Variants in SPECC1L observed in about 807,000 individuals in gnomAD.
The protein encoded by SPECC1L is sperm antigen with calponin homology and coiled-coil domains 1 like, also known as cytospin-A.
SPECC1L carries 40 observed loss-of-function variants against 116.8 expected under a neutral mutation model. That is an observed-to-expected ratio of 0.34 (90% CI 0.27 to 0.45). The LOEUF (loss-of-function observed/expected upper bound fraction) is 0.45, where lower values mean the gene tolerates loss of function less well. Among genes scored for constraint, SPECC1L ranks in the 20% least tolerant of loss-of-function variants. SPECC1L has a pLI of 1.00. For synonymous variants in SPECC1L, 504 were observed against 500.6 expected, an observed-to-expected ratio of 1.01 and a Z score of -0.09; for missense variants, 1,110 against 1,373.6, an observed-to-expected ratio of 0.81 and a Z score of 3.03.
intron 14 of SPECC1L, among the ~76,000 whole-genome samples, chr22:24,396,797 C>T (rs531069597): frequency 1.3e-5 from 2 of 152,282 alleles, no homozygotes; most frequent in African/African-American, 4.8e-5. Flanking sequence ...GGGTCCTCAA[C>T]ACTCTTTATC....
chr22:24,354,558 T>TC (rs1472086331), intron 11 of SPECC1L, among the ~76,000 whole-genome samples: 1 of 152,106 alleles, frequency 6.6e-6, no homozygotes, highest in Non-Finnish European at 1.5e-5. Flanking sequence ...CAATGCACCT[T>TC]CCCTCCACCC....
intron 14 of SPECC1L, among the ~76,000 whole-genome samples, chr22:24,369,636 C>G (rs2041836324): frequency 6.6e-6 from 1 of 152,112 alleles, no homozygotes; most frequent in South Asian, 2.1e-4. Context: ...GAGGCAGAGG[C>G]TGCTGTGAGC....
chr22:24,286,186 A>G (rs1399365378), intron 2 of SPECC1L, among the ~76,000 whole-genome samples: 1 of 152,220 alleles, frequency 6.6e-6, no homozygotes, highest in East Asian at 1.9e-4. Flanking sequence ...GGTAAGCTGC[A>G]GTGAAATCTG....
chr22:24,364,569 A>G (rs1291918712), intron 12 of SPECC1L, among the ~76,000 whole-genome samples: 2 of 151,472 alleles, frequency 1.3e-5, no homozygotes, highest in Non-Finnish European at 2.9e-5. Flanking sequence ...AGGCTGAGGC[A>G]GGAGAATCAC....
At chr22:24,298,050 G>GT (rs2049301549) in intron 2 of SPECC1L, among the ~76,000 whole-genome samples, 1 of 152,254 alleles carries the variant, frequency 6.6e-6, no homozygotes, top group South Asian at 2.1e-4. Flanking sequence ...CCAACTTACT[G>GT]TGGTTCGACC....
In SPECC1L at chr22:24,414,781, C is replaced by T; in HGVS notation, c.*158C>T. 1 of 672,420 alleles carries T rather than the reference C, an allele frequency of 1.5e-6. No homozygotes were observed. The highest frequency in any genetic ancestry group is 2.7e-6 in the Non-Finnish European group (1 of 376,000). The allele number at this position is 672,420 out of a possible 1,614,324, so 41.7% of individuals were successfully genotyped here. ...GCTCGGGGCTTCCGTATTGGAAGAA[C>T]TCAGCCGTGTGGCCCACAGCTCCCA... On this transcript the variant is annotated 3_prime_UTR_variant, in exon 17 of 17. Coordinates refer to ENST00000314328, the MANE Select transcript of SPECC1L (RefSeq NM_015330.6).
chr22:24,317,399 G>A lies in SPECC1L; in HGVS notation c.308-3889G>A, dbSNP rs1292122159. ...CCAGTAGGGGCGGCCGGGCAGAGGC[G>A]CCCCTCACCTCCCAGATGGGGCGCT... On this transcript the variant is annotated intron_variant, in intron 4 of 16. Coordinates refer to ENST00000314328, the MANE Select transcript of SPECC1L (RefSeq NM_015330.6). Among the ~76,000 whole-genome samples the A allele has an allele frequency of 7.0e-5, 8 of 113,930 alleles. 1 individual carries two copies. Among genetic ancestry groups the A allele is most frequent in the Non-Finnish European group, 1.3e-4 (7 of 52,258 alleles). The allele number at this position is 113,930 out of a possible 152,430, so 74.7% of individuals were successfully genotyped here.
chr22:24,287,595 T>TAGTC (rs1268124110), intron 2 of SPECC1L, among the ~76,000 whole-genome samples: 13 of 152,140 alleles, frequency 8.5e-5, no homozygotes, highest in Non-Finnish European at 1.9e-4. Flanking sequence ...AGGCCCCCTA[T>TAGTC]AGTCCCAGGG....
chr22:24,342,498 C>G (rs1446695465), intron 10 of SPECC1L, among the ~76,000 whole-genome samples: 1 of 151,906 alleles, frequency 6.6e-6, no homozygotes, highest in Non-Finnish European at 1.5e-5. Flanking sequence ...TGGCGAAACC[C>G]CATCTCTACT....
intron 11 of SPECC1L, among the ~76,000 whole-genome samples, chr22:24,350,783 C>T (rs1258566416): frequency 2.6e-5 from 4 of 152,288 alleles, no homozygotes; most frequent in East Asian, 1.9e-4. Flanking sequence ...CTTCAGTCTG[C>T]GTTAAGTGTG....
At chr22:24,410,134 T>TA (rs891639210) in intron 14 of SPECC1L, among the ~76,000 whole-genome samples, 3 of 152,260 alleles carry the variant, frequency 2.0e-5, no homozygotes. Context: ...ACCTTCAAGT[T>TA]ACAGAGGTGT....
At chr22:24,283,140 T>C (rs970283686) in intron 2 of SPECC1L, among the ~76,000 whole-genome samples, 1 of 151,766 alleles carries the variant, frequency 6.6e-6, no homozygotes, top group Non-Finnish European at 1.5e-5. Context: ...GTGCAGTAGT[T>C]CTACCTCGGC....
intron 8 of SPECC1L, among the ~76,000 whole-genome samples, chr22:24,333,891 G>A (rs1393067063): frequency 6.6e-6 from 1 of 151,736 alleles, no homozygotes; most frequent in Non-Finnish European, 1.5e-5. Context: ...AACTTACTTA[G>A]GATAACCTGA....
chr22:24,295,119 G>T (rs1237910993), intron 2 of SPECC1L, among the ~76,000 whole-genome samples: 3 of 150,950 alleles, frequency 2.0e-5, no homozygotes, highest in Non-Finnish European at 4.4e-5. Context: ...GGCTCCCAGA[G>T]CTGTGAACCC....
At chr22:24,312,321 A>G (rs2040478203) in intron 3 of SPECC1L, among the ~76,000 whole-genome samples, 1 of 152,180 alleles carries the variant, frequency 6.6e-6, no homozygotes, top group Non-Finnish European at 1.5e-5. Flanking sequence ...TGATAATTGA[A>G]TAACAGAAAT....
chr22:24,301,151 A>C (rs941789446), intron 2 of SPECC1L, among the ~76,000 whole-genome samples: 5 of 152,244 alleles, frequency 3.3e-5, no homozygotes, highest in African/African-American at 9.6e-5. Flanking sequence ...TCTGCACAGC[A>C]AAAGAAACTA....
intron 2 of SPECC1L, among the ~76,000 whole-genome samples, chr22:24,277,545 C>G (rs920252402): frequency 3.3e-5 from 5 of 152,224 alleles, no homozygotes; most frequent in Non-Finnish European, 5.9e-5. Context: ...ATTCACCACT[C>G]CCTCTGGCTC....
At chr22:24,397,326 C>CT (rs1291582302) in intron 14 of SPECC1L, among the ~76,000 whole-genome samples, 1 of 152,200 alleles carries the variant, frequency 6.6e-6, no homozygotes, top group Admixed American at 6.5e-5. Flanking sequence ...CATTTCCTTC[C>CT]TAAGCTCCTG....
At chr22:24,410,624 AC>A (rs1311600825) in intron 14 of SPECC1L, among the ~76,000 whole-genome samples, 1 of 152,208 alleles carries the variant, frequency 6.6e-6, no homozygotes, top group Non-Finnish European at 1.5e-5. Flanking sequence ...TTTTCAGATT[AC>A]TTTTTTTTAA....
Sources: allele counts gnomAD v4.1 joint callset (sites outside exome capture counted in the v4.1 genomes callset), GRCh38; gene constraint gnomAD v4.1.1; transcripts MANE v1.5; gene names NCBI Gene and HGNC (gene_info 2026-07-23, HGNC 2026-07-21).